Variants in PODXL observed in about 807,000 individuals in gnomAD.
The protein encoded by PODXL is podocalyxin.
Under a neutral mutation model 48.9 loss-of-function variants are expected in PODXL, and 20 were observed. The ratio of observed to expected loss-of-function variants is 0.41; its 90% CI spans 0.29 to 0.59. PODXL has a LOEUF of 0.59. Ranked by LOEUF, PODXL falls within the 20% of genes least tolerant of loss-of-function variation. The pLI is 0.31. For missense variants in PODXL, 606 were observed against 675.1 expected (o/e 0.90, Z 1.13); for synonymous variants, 295 against 287.4 (o/e 1.03, Z -0.27).
Position 131,542,199 on chromosome 7 carries a change from G to A in PODXL, c.100+14061C>T, listed in dbSNP as rs7807343. Among the ~76,000 whole-genome samples the A allele has an allele frequency of 4.6e-3, 704 of 152,314 alleles. 7 individuals are homozygous for A. The highest frequency in any genetic ancestry group is 0.016 in the African/African-American group (657 of 41,574). On this transcript the variant is annotated intron_variant, in intron 1 of 8. Coordinates refer to ENST00000378555, the MANE Select transcript of PODXL (RefSeq NM_001018111.3). Reference sequence around the variant, plus strand: ...AAGGGGTGGAGGAAAGGAAGGCACCGTCTCTTGCCCCCTGGCCCTCAAGGC... The same window carrying A: ...AAGGGGTGGAGGAAAGGAAGGCACCATCTCTTGCCCCCTGGCCCTCAAGGC...
rs199684831 is a variant in PODXL at position 131,529,159 on chromosome 7, T to C, written c.101-17726A>G. ...TGAGTACTGGAGTCACCAAGAATGATGACACCTATTAAGATGGAGAGGATG... is the reference window on the plus strand; with the variant it reads ...TGAGTACTGGAGTCACCAAGAATGACGACACCTATTAAGATGGAGAGGATG... On this transcript the variant is annotated intron_variant, in intron 1 of 8. Coordinates refer to ENST00000378555, the MANE Select transcript of PODXL (RefSeq NM_001018111.3). Among the ~76,000 whole-genome samples the C allele has an allele frequency of 3.9e-4, 59 of 152,216 alleles. 1 individual carries two copies. In the East Asian group the frequency reaches 0.011, roughly 29 times the overall value.
chr7:131,524,389 G>GAGAGAGAGAGAGAGAGAGAA (rs1798145289), intron 1 of PODXL, among the ~76,000 whole-genome samples: 1 of 137,374 alleles, frequency 7.3e-6, no homozygotes, highest in African/African-American at 2.6e-5. Context: ...CAGAGAGAGA[G>GAGAGAGAGAGAGAGAGAGAA]AGAGAGAGAG....
At chr7:131,532,151 C>T (rs1482013529) in intron 1 of PODXL, among the ~76,000 whole-genome samples, 2 of 144,448 alleles carry the variant, frequency 1.4e-5, no homozygotes, top group Non-Finnish European at 3.0e-5. Flanking sequence ...CATCATCACA[C>T]GTGGCCGGGC....
intron 1 of PODXL, among the ~76,000 whole-genome samples, chr7:131,533,390 C>A (rs930272661): frequency 1.3e-5 from 2 of 152,184 alleles, no homozygotes; most frequent in African/African-American, 4.8e-5. Context: ...GAGATAATTC[C>A]GGGCATTCTT....
chr7:131,556,273 C>T lies in PODXL; in HGVS notation c.87G>A (p.Ser29=). 1 of 777,984 alleles carries T rather than the reference C, an allele frequency of 1.3e-6. No homozygotes were observed. Among genetic ancestry groups the T allele is most frequent in the Non-Finnish European group, 1.6e-6 (1 of 616,192 alleles). The allele number at this position is 777,984 out of a possible 1,614,324, so 48.2% of individuals were successfully genotyped here. ...LLPSSPSPSP[S]PSQNATQTTT... is the part of the protein sequence containing the mutation. ...CCGGCCACTCACCATTCTGGGAGGGCGACGGCGACGGCGACGGCGACGACG... is the reference window on the plus strand; with the variant it reads ...CCGGCCACTCACCATTCTGGGAGGGTGACGGCGACGGCGACGGCGACGACG... Residue 29 remains serine, a synonymous_variant, in exon 1 of 9, where the codon TCG becomes TCA. Coordinates refer to ENST00000378555, the MANE Select transcript of PODXL (RefSeq NM_001018111.3).
At chr7:131,534,621 C>T (rs1032952347) in intron 1 of PODXL, among the ~76,000 whole-genome samples, 4 of 152,198 alleles carry the variant, frequency 2.6e-5, no homozygotes, top group Admixed American at 6.5e-5. Context: ...TGGCTTTCCT[C>T]CTCAGGGAAA....
rs1044893013 is a variant in PODXL, at chr7:131,513,447, C to T, written c.101-2014G>A. Among the ~76,000 whole-genome samples, 9 of 152,216 alleles carry T rather than the reference C, an allele frequency of 5.9e-5. 1 individual carries two copies. Among genetic ancestry groups the T allele is most frequent in the Non-Finnish European group, 2.9e-5 (2 of 68,044 alleles). On this transcript the variant is annotated intron_variant, in intron 1 of 8. Coordinates refer to ENST00000378555, the MANE Select transcript of PODXL (RefSeq NM_001018111.3). The stretch of plus-strand genomic sequence containing the variant: ...TGATGGCTGCATCCCGTACTCTGTG[C>T]CAGCCAGCACCCATACCATTTCTCT...
intron 1 of PODXL, among the ~76,000 whole-genome samples, chr7:131,531,979 G>C (rs901378493): frequency 3.3e-5 from 5 of 151,888 alleles, no homozygotes; most frequent in African/African-American, 1.2e-4. Flanking sequence ...GCATGGTGGT[G>C]CATGGCTGTA....
intron 1 of PODXL, among the ~76,000 whole-genome samples, chr7:131,526,673 A>G (rs1729489788): frequency 6.6e-6 from 1 of 150,850 alleles, no homozygotes; most frequent in Admixed American, 6.6e-5. Flanking sequence ...ACTTTGGAAA[A>G]GAGTGTGGCA....
At chr7:131,552,881 C>T (rs537545409) in intron 1 of PODXL, among the ~76,000 whole-genome samples, 8 of 152,216 alleles carry the variant, frequency 5.3e-5, no homozygotes, top group African/African-American at 1.2e-4. Flanking sequence ...CTGTCTCCCA[C>T]GTTCAAGCAA....
chr7:131,512,289 A>G (rs951824271), intron 1 of PODXL, among the ~76,000 whole-genome samples: 4 of 151,872 alleles, frequency 2.6e-5, no homozygotes, highest in African/African-American at 9.7e-5. Context: ...AGAAGCTAAC[A>G]CTCTGGTGGG....
rs1797900540 is a variant in PODXL, at chr7:131,510,881, G to A, written c.653C>T (p.Thr218Ile). 34 of 1,614,186 alleles carry A rather than the reference G, an allele frequency of 2.1e-5. No individual in the cohort carries two copies. Among genetic ancestry groups the A allele is most frequent in the Non-Finnish European group, 2.9e-5 (34 of 1,180,036 alleles). ...HLMKISSSSS[T>I]VAIPGYTFTS... ...GAAGGTGTAGCCAGGGATAGCCACAGTGCTTGAACTGCTTGAAATTTTCAT... is the reference window on the plus strand; with the variant it reads ...GAAGGTGTAGCCAGGGATAGCCACAATGCTTGAACTGCTTGAAATTTTCAT... Residue 218 changes from threonine to isoleucine, a missense_variant, in exon 2 of 9, where the codon ACT becomes ATT. Coordinates refer to ENST00000378555, the MANE Select transcript of PODXL (RefSeq NM_001018111.3).
intron 1 of PODXL, among the ~76,000 whole-genome samples, chr7:131,550,287 TTTACCC>T (rs1489523374): frequency 6.6e-6 from 1 of 152,150 alleles, no homozygotes; most frequent in African/African-American, 2.4e-5. Context: ...CAAGCCTCAA[TTTACCC>T]TTATGGTAGA....
chr7:131,527,284 C>T (rs1798203576), intron 1 of PODXL, among the ~76,000 whole-genome samples: 1 of 152,038 alleles, frequency 6.6e-6, no homozygotes, highest in African/African-American at 2.4e-5. Context: ...CATCTATTAG[C>T]ATTAATCTAA....
In PODXL at chr7:131,503,462, C is replaced by G. The variant is rs1292063179; in HGVS notation, c.*849G>C. ...CAATGGGCCAGTGTTCCTGCTGACC[C>G]CTCATCAGCTGCCCTGAGATACCAG... On this transcript the variant is annotated 3_prime_UTR_variant, in exon 9 of 9. Transcript: ENST00000378555. 6.6e-6 allele frequency: 1 copy of G among 152,298 alleles called. No individual in the cohort carries two copies. Among genetic ancestry groups the G allele is most frequent in the Non-Finnish European group, 1.5e-5 (1 of 68,122 alleles). The allele number at this position is 152,298 out of a possible 1,614,324, so 9.4% of individuals were successfully genotyped here.
chr7:131,550,484 A>G (rs1313729678), intron 1 of PODXL, among the ~76,000 whole-genome samples: 1 of 152,052 alleles, frequency 6.6e-6, no homozygotes, highest in African/African-American at 2.4e-5. Flanking sequence ...GTGAGACCCT[A>G]TTTCTACAGA....
At chr7:131,528,057 C>T (rs902402587) in intron 1 of PODXL, among the ~76,000 whole-genome samples, 1 of 152,002 alleles carries the variant, frequency 6.6e-6, no homozygotes, top group Non-Finnish European at 1.5e-5. Context: ...GCGCCCATCA[C>T]CTGGCTAATT....
At chr7:131,533,468 G>T (rs1456991236) in intron 1 of PODXL, among the ~76,000 whole-genome samples, 1 of 152,180 alleles carries the variant, frequency 6.6e-6, no homozygotes, top group Admixed American at 6.5e-5. Context: ...GCTGCTCCCT[G>T]TAGGGTGGGG....
chr7:131,538,868 T>C (rs555629527), intron 1 of PODXL, among the ~76,000 whole-genome samples: 1 of 152,238 alleles, frequency 6.6e-6, no homozygotes, highest in African/African-American at 2.4e-5. Context: ...AGGGGATGGG[T>C]TCTTCCTGAG....
Sources: gnomAD v4.1 joint callset for allele counts (sites outside exome capture counted in the v4.1 genomes callset) on GRCh38, gnomAD v4.1.1 for gene constraint, MANE v1.5 for transcripts, NCBI Gene and HGNC (gene_info 2026-07-23, HGNC 2026-07-21) for gene names.